The following RFX1 variants were observed in gnomAD, a reference collection of about 807,000 sequenced individuals.
The protein encoded by RFX1 is MHC class II regulatory factor RFX1.
In RFX1, 42 loss-of-function variants were observed where a neutral mutation model predicts 119.6. The ratio of observed to expected loss-of-function variants is 0.35; its 90% CI spans 0.27 to 0.45. The LOEUF (loss-of-function observed/expected upper bound fraction) is 0.45. RFX1 is among the 20% of genes least tolerant of loss of function. RFX1 has a pLI of 1.00. For synonymous variants in RFX1, 628 were observed against 618.5 expected (o/e 1.02, Z -0.23); for missense variants, 1,118 against 1,368.1 (o/e 0.82, Z 2.88).
chr19:13,971,192 G>A (rs1974067247), intron 9 of RFX1, among the ~76,000 whole-genome samples: 1 of 151,850 alleles, frequency 6.6e-6, no homozygotes, highest in Admixed American at 6.6e-5. Flanking sequence ...AAATTAGCCA[G>A]GTGTGGTGGT....
intron 16 of RFX1, among the ~76,000 whole-genome samples, chr19:13,964,796 C>T (rs1314671518): frequency 6.6e-6 from 1 of 152,176 alleles, no homozygotes; most frequent in Non-Finnish European, 1.5e-5. Flanking sequence ...TTCTTTCGTA[C>T]CCTGGAATCT....
intron 1 of RFX1, among the ~76,000 whole-genome samples, chr19:14,001,143 C>A (rs1395260870): frequency 6.6e-6 from 1 of 152,148 alleles, no homozygotes; most frequent in Non-Finnish European, 1.5e-5. Context: ...CTTCCTCCCA[C>A]CTGGCATGCT....
intron 17 of RFX1, 22 bp downstream of exon 17, chr19:13,963,831 GCCCGC>G (rs56350479): frequency 1.2e-4 from 175 of 1,486,146 alleles, no homozygotes; most frequent in Non-Finnish European, 1.2e-4. Flanking sequence ...CCCCTCATTC[GCCCGC>G]CCCGCCCCGC....
Position 13,980,947 on chromosome 19 carries a change from C to T in RFX1, c.622-258G>A, listed in dbSNP as rs999323017. On this transcript the variant is annotated intron_variant, in intron 5 of 20. Coordinates refer to ENST00000254325, the MANE Select transcript of RFX1 (RefSeq NM_002918.5). The surrounding 1 kb of genome is among the most constrained non-coding windows in gnomAD (Gnocchi z 5.1). ...AAGGTTGGCTGATGGTGGGTGGTGC[C>T]GCCAGCACCCCTGAAGCTCTCCTGG... Among the ~76,000 whole-genome samples the T allele has an allele frequency of 2.0e-5, 3 of 152,302 alleles. No individual in the cohort carries two copies. The highest frequency in any genetic ancestry group is 4.1e-4 in the South Asian group (2 of 4,826).
In RFX1 at chr19:13,986,242, A is replaced by C. The variant is rs1320472639; in HGVS notation, c.320-2647T>G. ...GCAGGGAGTGGGGGGCTGGCCCCCC[A>C]CCCTCTCCAGGGCTCAGGGGCTGGT... is the stretch of plus-strand genomic sequence containing the variant. On this transcript the variant is annotated intron_variant, in intron 2 of 20. Coordinates refer to ENST00000254325, the MANE Select transcript of RFX1 (RefSeq NM_002918.5). This position sits in a 1 kb window ranked among gnomAD's most constrained non-coding sequence, Gnocchi z 4.2. 6.6e-6 allele frequency among the ~76,000 whole-genome samples: 1 copy of C among 151,556 alleles called. No individual in the cohort carries two copies. The highest frequency in any genetic ancestry group is 2.0e-4 in the East Asian group (1 of 5,104).
At chr19:14,001,906 C>A (rs1975229000) in intron 1 of RFX1, among the ~76,000 whole-genome samples, 1 of 152,184 alleles carries the variant, frequency 6.6e-6, no homozygotes, top group South Asian at 2.1e-4. Flanking sequence ...GAGGCCAAAG[C>A]GTGTGGATCA....
In RFX1 at chr19:13,962,977, G is replaced by C. The variant is rs752734917; in HGVS notation, c.2770+17C>G. On this transcript the variant is annotated intron_variant, in intron 20 of 20. Coordinates refer to ENST00000254325, the MANE Select transcript of RFX1 (RefSeq NM_002918.5). ...CCCCCGGGACCCGCGCCCTGGGTGG[G>C]AACACGCCTCGCCTACCTTTGTCGG... 1.3e-6 allele frequency: 2 copies of C among 1,549,936 alleles called. No homozygotes were observed. Among genetic ancestry groups the C allele is most frequent in the East Asian group, 2.4e-5 (1 of 40,876 alleles).
intron 8 of RFX1, among the ~76,000 whole-genome samples, chr19:13,975,919 C>A (rs1018631731): frequency 1.3e-5 from 2 of 152,168 alleles, no homozygotes; most frequent in African/African-American, 4.8e-5. Flanking sequence ...AACAACTTCT[C>A]GTAGCAGAAA....
chr19:13,985,586 A>C lies in RFX1; in HGVS notation c.320-1991T>G, dbSNP rs1389074733. 6.6e-6 allele frequency among the ~76,000 whole-genome samples: 1 copy of C among 152,250 alleles called. No individual in the cohort carries two copies. The highest frequency in any genetic ancestry group is 1.5e-5 in the Non-Finnish European group (1 of 68,032). On this transcript the variant is annotated intron_variant, in intron 2 of 20. Transcript: ENST00000254325. This position sits in a 1 kb window ranked among gnomAD's most constrained non-coding sequence, Gnocchi z 4.3. ...CCATCCACCGTGCAGGCCATGACGC[A>C]GGTTCCCCTCTGGGCCCACACGAAC...
rs749143303 is a variant in RFX1, at chr19:13,972,938, C to A, written c.1119G>T (p.Gly373=). Residue 373 remains glycine, a synonymous_variant, in exon 9 of 21, where the codon GGG becomes GGT. Transcript: ENST00000254325. ...CTCCGCTGCTGTTGCTGGCCCCAGC[C>A]CCAGTGCTGGTGGAGCTGGCGACGA... ...SQVVASSTST[G]AGASNSSGGG... The A allele has an allele frequency of 1.9e-6, 3 of 1,599,144 alleles. No homozygotes were observed. The highest frequency in any genetic ancestry group is 3.3e-5 in the Admixed American group (2 of 59,914).
At chr19:13,981,755 T>C (rs1974435803) in intron 5 of RFX1, among the ~76,000 whole-genome samples, 1 of 152,194 alleles carries the variant, frequency 6.6e-6, no homozygotes, top group Non-Finnish European at 1.5e-5. Flanking sequence ...TACCCTGTGG[T>C]CCAAGGCTTC....
In RFX1 at chr19:13,983,542, C is replaced by T. The variant is rs141643042; in HGVS notation, c.373G>A (p.Ala125Thr). Residue 125 changes from alanine to threonine, a missense_variant, in exon 3 of 21, where the codon GCC becomes ACC. Coordinates refer to ENST00000254325, the MANE Select transcript of RFX1 (RefSeq NM_002918.5). ...TGAGTAGGAACGCCGGTCTGGCTGG[C>T]GGTGGAGCCGGGGCTGGCCTCCGAC... ...TVSEASPGST[A>T]SQTGVPTQVV... 7.6e-5 allele frequency: 122 copies of T among 1,611,332 alleles called. No individual in the cohort carries two copies. The highest frequency in any genetic ancestry group is 4.9e-4 in the East Asian group (22 of 44,856).
intron 1 of RFX1, among the ~76,000 whole-genome samples, chr19:14,000,436 G>A (rs1275911608): frequency 6.6e-6 from 1 of 151,798 alleles, no homozygotes; most frequent in Non-Finnish European, 1.5e-5. Flanking sequence ...GCAGTGAGCT[G>A]AGATTGTGCC....
intron 1 of RFX1, among the ~76,000 whole-genome samples, chr19:13,994,717 A>ATATGTGTGTG: frequency 9.2e-6 from 1 of 108,316 alleles, no homozygotes; most frequent in East Asian, 3.4e-4. Flanking sequence ...GTCTAAATAT[A>ATATGTGTGTG]TATGTGTGTG....
Position 13,966,492 on chromosome 19 carries a change from C to G in RFX1, c.1890G>C (p.Leu630=). 1 of 1,594,050 alleles carries G rather than the reference C, an allele frequency of 6.3e-7. No individual in the cohort carries two copies. The highest frequency in any genetic ancestry group is 8.6e-7 in the Non-Finnish European group (1 of 1,169,440). Residue 630 remains leucine (L), a synonymous_variant, in exon 14 of 21, where the codon CTG becomes CTC. Transcript: ENST00000254325. The surrounding 1 kb of genome is among the most constrained non-coding windows in gnomAD (Gnocchi z 6.3). ...AGAAGGTCTTCCACAGCGTCTCCAC[C>G]AGGGTGAACTGCAGGTTCACCATGA... ...VDVMVNLQFT[L]VETLWKTFWR...
chr19:13,990,971 C>G lies in RFX1; in HGVS notation c.319+2554G>C, dbSNP rs1271882471. ...TCCAGCCTGGGCGACAGAGCAAGACCCTGTCTCAAAAAATAAATACATAAA... is the reference window on the plus strand; with the variant it reads ...TCCAGCCTGGGCGACAGAGCAAGACGCTGTCTCAAAAAATAAATACATAAA... On this transcript the variant is annotated intron_variant, in intron 2 of 20. Transcript: ENST00000254325. The surrounding 1 kb of genome is among the most constrained non-coding windows in gnomAD (Gnocchi z 4.1). Among the ~76,000 whole-genome samples, 1 of 152,084 alleles carries G rather than the reference C, an allele frequency of 6.6e-6. No individual in the cohort carries two copies. The highest frequency in any genetic ancestry group is 2.4e-5 in the African/African-American group (1 of 41,414).
intron 8 of RFX1, among the ~76,000 whole-genome samples, chr19:13,975,270 T>C (rs1974220345): frequency 6.7e-6 from 1 of 149,536 alleles, no homozygotes; most frequent in African/African-American, 2.5e-5. Context: ...GGCAGGAGAA[T>C]CGCAGGAGAA....
Position 13,972,796 on chromosome 19 carries a change from G to A in RFX1, c.1261C>T (p.Leu421=), listed in dbSNP as rs1256773837. Residue 421 remains leucine, a synonymous_variant, in exon 9 of 21, where the codon CTG becomes TTG. Transcript: ENST00000254325. The stretch of plus-strand genomic sequence containing the variant: ...GAGTAAGACTGGCTGGCACTGCCCA[G>A]CATGTAGCCGCCTTGGATCACGTAG... ...GTYVIQGGYM[L]GSASQSYSHT... 1.2e-6 allele frequency: 2 copies of A among 1,608,430 alleles called. No homozygotes were observed. Among genetic ancestry groups the A allele is most frequent in the Non-Finnish European group, 1.7e-6 (2 of 1,178,030 alleles).
rs937912142 is a variant in RFX1 at position 13,984,890 on chromosome 19, C to T, written c.320-1295G>A. Among the ~76,000 whole-genome samples the T allele has an allele frequency of 1.3e-4, 20 of 152,232 alleles. No individual in the cohort carries two copies. The East Asian group carries it at 1.5e-3, about 12-fold the overall frequency. On this transcript the variant is annotated intron_variant, in intron 2 of 20. Coordinates refer to ENST00000254325, the MANE Select transcript of RFX1 (RefSeq NM_002918.5). Reference sequence around the variant, plus strand: ...TTTTTGTTTTTTTGAGACAGGGTTTCGCTCTGTCACCCAGGCTGGAGTGCA... The same window carrying T: ...TTTTTGTTTTTTTGAGACAGGGTTTTGCTCTGTCACCCAGGCTGGAGTGCA...
Sources: gnomAD v4.1 joint callset for allele counts (sites outside exome capture counted in the v4.1 genomes callset) on GRCh38, gnomAD v4.1.1 for gene constraint, Gnocchi (gnomAD v3.1) non-coding constraint, MANE v1.5 for transcripts, NCBI Gene and HGNC (gene_info 2026-07-23, HGNC 2026-07-21) for gene names.